Variants in DYNC2LI1 observed in about 807,000 individuals in gnomAD.
The protein encoded by DYNC2LI1 is cytoplasmic dynein 2 light intermediate chain 1.
DYNC2LI1 carries 45 observed loss-of-function variants against 51.9 expected under a neutral mutation model. The observed-to-expected ratio is 0.87, with a 90% CI of 0.68 to 1.11. The LOEUF (loss-of-function observed/expected upper bound fraction) is 1.11, where lower values mean the gene tolerates loss of function less well. DYNC2LI1 is among the 50% of genes most tolerant of loss of function. The pLI is 0.00. For synonymous variants in DYNC2LI1, 130 were observed against 137.8 expected (o/e 0.94, Z 0.40); for missense variants, 490 against 417.4 (o/e 1.17, Z -1.51).
At chr2:43,819,735 G>A in the DYNC2LI1 span, among the ~76,000 whole-genome samples, 1 of 151,996 alleles carries the variant, frequency 6.6e-6, no homozygotes, top group Admixed American at 6.6e-5. Flanking sequence ...ACATTTTATT[G>A]AACAAATGAA....
At chr2:43,802,030 G>A (rs1227904128) in intron 10 of DYNC2LI1, among the ~76,000 whole-genome samples, 2 of 152,102 alleles carry the variant, frequency 1.3e-5, no homozygotes, top group East Asian at 3.8e-4. Context: ...CTTTAAAGAA[G>A]CTAGGAGCAT....
chr2:43,790,403 G>A (rs1294890514), intron 5 of DYNC2LI1, among the ~76,000 whole-genome samples: 1 of 152,096 alleles, frequency 6.6e-6, no homozygotes, highest in African/African-American at 2.4e-5. Flanking sequence ...AACCATTGCT[G>A]CTGCCTGGAT....
chr2:43,796,273 C>T (rs1674031446), intron 7 of DYNC2LI1, among the ~76,000 whole-genome samples: 1 of 149,722 alleles, frequency 6.7e-6, no homozygotes, highest in Admixed American at 6.7e-5. Flanking sequence ...TTTGAGGTTA[C>T]AGTGAGCTGT....
intron 4 of DYNC2LI1, among the ~76,000 whole-genome samples, chr2:43,789,180 T>C (rs1220184484): frequency 6.6e-6 from 1 of 152,224 alleles, no homozygotes; most frequent in Non-Finnish European, 1.5e-5. Flanking sequence ...TTCTTCATGC[T>C]TTACGTGTGT....
rs142207903 is a variant in DYNC2LI1 at position 43,807,178 on chromosome 2, A to G, written c.993+1932A>G. Among the ~76,000 whole-genome samples the G allele has an allele frequency of 9.2e-4, 140 of 152,158 alleles. 1 individual carries two copies. Among genetic ancestry groups the G allele is most frequent in the Middle Eastern group, 3.4e-3 (1 of 294 alleles). The stretch of plus-strand genomic sequence containing the variant: ...GTTGTGAGACCTTAAGTTGTTTCCA[A>G]TTGTGTGCTGTGAAGTCAGTCCTCA... On this transcript the variant is annotated intron_variant, in intron 12 of 12. Transcript: ENST00000260605.
chr2:43,822,469 CTCCCCCA>C, the DYNC2LI1 span: 136 of 814,638 alleles, frequency 1.7e-4, no homozygotes, highest in East Asian at 2.6e-4. Flanking sequence ...GCTTTCTCCC[CTCCCCCA>C]GGCCCCCCCC....
chr2:43,809,957 G>C lies in DYNC2LI1; in HGVS notation c.*190G>C. On this transcript the variant is annotated 3_prime_UTR_variant, in exon 13 of 13. Transcript: ENST00000260605. ...CTTTTTAAAAGGAAAAATTATTGTA[G>C]AACCACGTGTAATTTTTTTTAAAAT... 7.7e-7 allele frequency: 1 copy of C among 1,305,266 alleles called. No homozygotes were observed. The highest frequency in any genetic ancestry group is 9.8e-7 in the Non-Finnish European group (1 of 1,018,534). 80.9% of individuals were successfully genotyped at this position (1,305,266 alleles called of 1,614,324 possible). A position where few individuals can be genotyped will look rare whatever the true frequency, so the allele number is the denominator to read the frequency against.
chr2:43,776,668 A>T, intron 1 of DYNC2LI1, 114 bp from the exon 2 acceptor site: 1 of 551,716 alleles, frequency 1.8e-6, no homozygotes. Flanking sequence ...TTCCTCAGAA[A>T]ATAATGTTCA....
chr2:43,797,146 G>T (rs1246000309), intron 8 of DYNC2LI1, among the ~76,000 whole-genome samples: 1 of 152,184 alleles, frequency 6.6e-6, no homozygotes, highest in East Asian at 1.9e-4. Context: ...AACTCTATCA[G>T]TGTGTGTATT....
At chr2:43,810,433 C>A (rs745634421), downstream of DYNC2LI1, 4 of 985,100 alleles carry the variant, frequency 4.1e-6, no homozygotes, top group Middle Eastern at 5.2e-4. Flanking sequence ...TCATGTGTTG[C>A]GGATAACCAG....
intron 8 of DYNC2LI1, among the ~76,000 whole-genome samples, chr2:43,798,138 T>A (rs1178358406): frequency 6.6e-6 from 1 of 152,054 alleles, no homozygotes. Flanking sequence ...TCCTTTACAT[T>A]TGAATAATTA....
intron 8 of DYNC2LI1, 145 bp downstream of exon 8, chr2:43,796,940 A>G (rs1665882540): frequency 4.7e-6 from 3 of 636,274 alleles, no homozygotes; most frequent in Non-Finnish European, 8.3e-6. Context: ...ACCTCTCCTT[A>G]CAGAGTGTTT....
chr2:43,784,925 G>A (rs77261288), intron 3 of DYNC2LI1, among the ~76,000 whole-genome samples: 7,016 of 152,166 alleles, frequency 0.046, 321 homozygotes, highest in African/African-American at 0.11. Context: ...GTATGCAGGG[G>A]TGATATTCAG....
chr2:43,821,168 CT>C, the DYNC2LI1 span, among the ~76,000 whole-genome samples: 1 of 152,294 alleles, frequency 6.6e-6, no homozygotes, highest in South Asian at 2.1e-4. Context: ...TCTACTTTTC[CT>C]CTGTACAAAT....
chr2:43,780,787 T>A (rs1673241702), intron 2 of DYNC2LI1, among the ~76,000 whole-genome samples: 2 of 151,922 alleles, frequency 1.3e-5, no homozygotes, highest in South Asian at 4.2e-4. Context: ...GGATAATGGG[T>A]CAGAGGAGAG....
At position 43,789,660 on chromosome 2, in the gene DYNC2LI1, C is replaced by A; in HGVS notation, c.259C>A (p.Leu87Ile). The A allele has an allele frequency of 6.2e-7, 1 of 1,613,888 alleles. No individual in the cohort carries two copies. Among genetic ancestry groups the A allele is most frequent in the African/African-American group, 1.3e-5 (1 of 75,006 alleles). Reference protein sequence around the residue: ...TPKDIAHFWELGGGTSLLDLI... With the variant: ...TPKDIAHFWEIGGGTSLLDLI... Reference sequence around the variant, plus strand: ...AAAAGATATCGCTCACTTTTGGGAACTCGGTGGAGGAACCTCTTTATTGGA... The same window carrying A: ...AAAAGATATCGCTCACTTTTGGGAAATCGGTGGAGGAACCTCTTTATTGGA... Residue 87 changes from leucine to isoleucine, a missense_variant, in exon 5 of 13, where the codon CTC becomes ATC. Transcript: ENST00000260605.
At chr2:43,820,037 G>C in the DYNC2LI1 span, 1 of 1,614,164 alleles carries the variant, frequency 6.2e-7, no homozygotes, top group East Asian at 2.2e-5. Flanking sequence ...CAATTAAGTG[G>C]GGGGCCAAGA....
At chr2:43,825,323 G>A in the DYNC2LI1 span, among the ~76,000 whole-genome samples, 6 of 152,154 alleles carry the variant, frequency 3.9e-5, no homozygotes, top group South Asian at 2.1e-4. Context: ...GGACCTGGGC[G>A]TAAGTCCCAG....
At chr2:43,774,506 G>A (rs983525317) in intron 1 of DYNC2LI1, among the ~76,000 whole-genome samples, 10 of 152,136 alleles carry the variant, frequency 6.6e-5, no homozygotes, top group African/African-American at 2.4e-4. Context: ...GCGGGGGTTC[G>A]CAGTAATAAG....
Sources: allele counts gnomAD v4.1 joint callset (sites outside exome capture counted in the v4.1 genomes callset), GRCh38; gene constraint gnomAD v4.1.1; transcripts MANE v1.5; gene names NCBI Gene and HGNC (gene_info 2026-07-23, HGNC 2026-07-21).